Variants in GART observed in about 807,000 individuals in gnomAD.
The protein encoded by GART is trifunctional purine biosynthetic protein adenosine-3.
GART carries 43 observed loss-of-function variants against 107.2 expected under a neutral mutation model. That is an observed-to-expected ratio of 0.40 (90% CI 0.31 to 0.52). The LOEUF is 0.52. GART is among the 20% of genes least tolerant of loss of function. The pLI is 0.52. For missense variants in GART, 1,107 were observed against 1,206.5 expected, an observed-to-expected ratio of 0.92 and a Z score of 1.22; for synonymous variants, 434 against 427.0, an observed-to-expected ratio of 1.02 and a Z score of -0.20.
Position 33,528,916 on chromosome 21 carries a change from T to C in GART, c.745A>G (p.Lys249Glu). 1 of 1,612,558 alleles carries C rather than the reference T, an allele frequency of 6.2e-7. No individual in the cohort carries two copies. Among genetic ancestry groups the C allele is most frequent in the African/African-American group, 1.3e-5 (1 of 75,018 alleles). ...APQVSNDLLL[K>E]IKDTVLQRTV... ...CTCTGAAGAACAGTATCTTTAATTT[T>C]TAGTAATAGATCATTAGAAACCTGG... is the stretch of plus-strand genomic sequence containing the variant. Residue 249 changes from lysine (K) to glutamate (E), a missense_variant, in exon 8 of 22, where the codon AAA becomes GAA. Lys to Glu is a moderately conservative substitution (Grantham distance 56, BLOSUM62 1). Coordinates refer to ENST00000381815, the MANE Select transcript of GART (RefSeq NM_000819.5).
chr21:33,512,325 C>T (rs1472319997), intron 16 of GART, among the ~76,000 whole-genome samples: 2 of 142,556 alleles, frequency 1.4e-5, no homozygotes, highest in Admixed American at 7.1e-5. Context: ...TACATTCTCT[C>T]TTATCACAAA....
At position 33,521,001 on chromosome 21, in the gene GART, G is replaced by C; in HGVS notation, c.1408C>G (p.Leu470Val). Residue 470 changes from leucine to valine, a missense_variant, in exon 13 of 22, where the codon CTT becomes GTT. Transcript: ENST00000381815. ...TCAAAAAGACCAGCAAAACCTCCAAGATCAACTTTACAGCCTGTTGGAGAG... is the reference window on the plus strand; with the variant it reads ...TCAAAAAGACCAGCAAAACCTCCAACATCAACTTTACAGCCTGTTGGAGAG... ...ATSRSGCKVD[L>V]GGFAGLFDLK... is the part of the protein sequence containing the mutation. 3 of 1,613,566 alleles carry C rather than the reference G, an allele frequency of 1.9e-6. No homozygotes were observed. The highest frequency in any genetic ancestry group is 1.7e-4 in the Middle Eastern group (1 of 6,060).
chr21:33,539,438 C>T (rs1370634093), intron 1 of GART, 82 bp from the exon 2 acceptor site: 5 of 1,057,608 alleles, frequency 4.7e-6, no homozygotes, highest in Non-Finnish European at 6.6e-6. Context: ...CATGCCTGTA[C>T]CCCCAGCATT....
intron 7 of GART, among the ~76,000 whole-genome samples, chr21:33,529,151 ACT>A (rs2085134288): frequency 6.6e-6 from 1 of 152,174 alleles, no homozygotes; most frequent in Non-Finnish European, 1.5e-5. Context: ...CAAAAAATAC[ACT>A]CTTAAAAGAA....
upstream of GART, chr21:33,542,198 G>C (rs1049280859): frequency 6.6e-6 from 1 of 152,234 alleles, no homozygotes; most frequent in Non-Finnish European, 1.5e-5. Flanking sequence ...ATTGGTCCGC[G>C]CGGCCCTGGG....
chr21:33,523,224 T>TA (rs1174484531), intron 11 of GART, among the ~76,000 whole-genome samples: 2 of 152,120 alleles, frequency 1.3e-5, no homozygotes, highest in Non-Finnish European at 2.9e-5. Context: ...GAAGTGTCTT[T>TA]AAAAAAAGCA....
rs2084635800 is a variant in GART at position 33,504,003 on chromosome 21, A to G, written c.*121T>C. 4 of 793,018 alleles carry G rather than the reference A, an allele frequency of 5.0e-6. No homozygotes were observed. The highest frequency in any genetic ancestry group is 7.8e-6 in the Non-Finnish European group (4 of 515,110). The allele number at this position is 793,018 out of a possible 1,614,324, so 49.1% of individuals were successfully genotyped here. Reference sequence around the variant, plus strand: ...ATTTATTAAAAAAATAGATGAAGTAAGGGTGAGGTCTTTTTTGTCTTTTAG... The same window carrying G: ...ATTTATTAAAAAAATAGATGAAGTAGGGGTGAGGTCTTTTTTGTCTTTTAG... On this transcript the variant is annotated 3_prime_UTR_variant, in exon 22 of 22. Coordinates refer to ENST00000381815, the MANE Select transcript of GART (RefSeq NM_000819.5).
intron 19 of GART, 68 bp downstream of exon 19, chr21:33,505,906 G>T: frequency 2.5e-6 from 4 of 1,586,624 alleles, no homozygotes; most frequent in Non-Finnish European, 1.7e-6. Flanking sequence ...CATAGACCAG[G>T]GTCCTGTGAG....
chr21:33,522,943 C>G (rs557047172), intron 11 of GART, among the ~76,000 whole-genome samples: 1 of 152,226 alleles, frequency 6.6e-6, no homozygotes, highest in African/African-American at 2.4e-5. Flanking sequence ...CACAAGTATC[C>G]CTAAATAATT....
At chr21:33,507,819 G>A (rs1172893230) in intron 18 of GART, among the ~76,000 whole-genome samples, 1 of 151,998 alleles carries the variant, frequency 6.6e-6, no homozygotes, top group East Asian at 1.9e-4. Context: ...GCGACAGAGT[G>A]AGACTCTATC....
chr21:33,513,582 T>C (rs1395047833), intron 16 of GART, among the ~76,000 whole-genome samples: 1 of 151,936 alleles, frequency 6.6e-6, no homozygotes, highest in African/African-American at 2.4e-5. Flanking sequence ...AAAATAAAAA[T>C]AAATAAAAAT....
chr21:33,507,481 A>C (rs751625827), intron 18 of GART, among the ~76,000 whole-genome samples: 1 of 152,212 alleles, frequency 6.6e-6, no homozygotes, highest in African/African-American at 2.4e-5. Context: ...GTTTGATAGC[A>C]TAACAGGGTG....
At position 33,504,146 on chromosome 21, in the gene GART, A is replaced by G; in HGVS notation, c.3011T>C (p.Ile1004Thr). The G allele has an allele frequency of 1.9e-6, 3 of 1,613,404 alleles. No homozygotes were observed. The highest frequency in any genetic ancestry group is 1.7e-6 in the Non-Finnish European group (2 of 1,179,610). ...GTVQLGENGK[I>T]CWVKEE The stretch of plus-strand genomic sequence containing the variant: ...GCTTCATTCCTCTTTAACCCAACAG[A>G]TCTTGCCATTTTCTCCAAGCTGTAC... Residue 1004 changes from isoleucine to threonine, a missense_variant, in exon 22 of 22, where the codon ATC (isoleucine) becomes ACC (threonine). By Grantham distance (89) the Ile-to-Thr change is moderately conservative. Coordinates refer to ENST00000381815, the MANE Select transcript of GART (RefSeq NM_000819.5).
chr21:33,524,712 T>C (rs2085036019), intron 11 of GART, 57 bp downstream of exon 11: 5 of 1,609,940 alleles, frequency 3.1e-6, no homozygotes, highest in Non-Finnish European at 3.4e-6. Flanking sequence ...ATGTTCTACA[T>C]AGCCATTTAG....
chr21:33,528,946 C>A lies in GART; in HGVS notation c.724-9G>T. On this transcript the variant is annotated splice_polypyrimidine_tract_variant and intron_variant, in intron 7 of 21. Transcript: ENST00000381815. ...AATAGATCATTAGAAACCTGGAGAACGTGCAGAAACAGTTAAATGTAACAG... is the reference window on the plus strand; with the variant it reads ...AATAGATCATTAGAAACCTGGAGAAAGTGCAGAAACAGTTAAATGTAACAG... 1 of 1,575,514 alleles carries A rather than the reference C, an allele frequency of 6.3e-7. No homozygotes were observed. The highest frequency in any genetic ancestry group is 8.7e-7 in the Non-Finnish European group (1 of 1,145,352).
At chr21:33,513,525 G>A (rs1229528826) in intron 16 of GART, among the ~76,000 whole-genome samples, 5 of 151,998 alleles carry the variant, frequency 3.3e-5, no homozygotes, top group South Asian at 2.1e-4. Flanking sequence ...AGCTGAGATC[G>A]CACTACTGTA....
intron 14 of GART, among the ~76,000 whole-genome samples, chr21:33,519,715 C>G (rs1026763906): frequency 6.6e-6 from 1 of 151,798 alleles, no homozygotes; most frequent in African/African-American, 2.4e-5. Context: ...TAGTTCCCAA[C>G]TACTTGGGAG....
rs114234032 is a variant in GART, at chr21:33,540,600, G to C, written c.-41-1244C>G. 7.5e-3 allele frequency among the ~76,000 whole-genome samples: 1,144 copies of C among 152,302 alleles called. 15 individuals are homozygous for C. Among genetic ancestry groups the C allele is most frequent in the African/African-American group, 0.026 (1,079 of 41,554 alleles). ...ACTTAGAAGGATGGATACAACAGCAGTGTAACCTAGGAGATTAACTGAAAT... is the reference window on the plus strand; with the variant it reads ...ACTTAGAAGGATGGATACAACAGCACTGTAACCTAGGAGATTAACTGAAAT... On this transcript the variant is annotated intron_variant, in intron 1 of 21. Coordinates refer to ENST00000381815, the MANE Select transcript of GART (RefSeq NM_000819.5).
At chr21:33,533,398 T>C (rs1046129866) in intron 4 of GART, among the ~76,000 whole-genome samples, 1 of 143,988 alleles carries the variant, frequency 6.9e-6, no homozygotes, top group Non-Finnish European at 1.5e-5. Context: ...GAGATAGAGA[T>C]AGCGCCACTG....
Sources: allele counts gnomAD v4.1 joint callset (sites outside exome capture counted in the v4.1 genomes callset), GRCh38; gene constraint gnomAD v4.1.1; transcripts MANE v1.5; gene names NCBI Gene and HGNC (gene_info 2026-07-23, HGNC 2026-07-21).